TNRC6B: variants seen among roughly 807,000 people sequenced by gnomAD.
TNRC6B encodes trinucleotide repeat-containing gene 6B protein.
In TNRC6B, 52 loss-of-function variants were observed where a neutral mutation model predicts 203.6. The observed-to-expected ratio is 0.26, with a 90% CI of 0.20 to 0.32. The LOEUF is 0.32. TNRC6B is among the 10% of genes least tolerant of loss of function. The pLI, the probability that TNRC6B is intolerant of heterozygous loss-of-function variation, is 1.00. For synonymous variants in TNRC6B, 838 were observed against 845.7 expected (o/e 0.99, Z 0.16); for missense variants, 1,923 against 2,286.2 (o/e 0.84, Z 3.24).
chr22:40,326,948 T>C lies in TNRC6B; in HGVS notation c.*3707T>C, dbSNP rs2071411086. ...GTTGTGCTCGTTTTAATTGCTGTTTTGAAGATCTGCTGCTTAATTATCCCC... is the reference window on the plus strand; with the variant it reads ...GTTGTGCTCGTTTTAATTGCTGTTTCGAAGATCTGCTGCTTAATTATCCCC... On this transcript the variant is annotated 3_prime_UTR_variant, in exon 23 of 23. Coordinates refer to ENST00000454349, the MANE Select transcript of TNRC6B (RefSeq NM_001162501.2). The C allele has an allele frequency of 6.5e-6, 1 of 152,706 alleles. No individual in the cohort carries two copies. Among genetic ancestry groups the C allele is most frequent in the Non-Finnish European group, 1.5e-5 (1 of 68,056 alleles). 9.5% of individuals were successfully genotyped at this position (152,706 alleles called of 1,614,324 possible).
intron 1 of TNRC6B, among the ~76,000 whole-genome samples, chr22:40,108,619 T>G (rs2068307071): frequency 6.6e-6 from 1 of 152,182 alleles, no homozygotes; most frequent in African/African-American, 2.4e-5. Context: ...TTTCCAGACA[T>G]GTGATACTGC....
In TNRC6B at chr22:40,334,371, A is replaced by T. The variant is rs944758746; in HGVS notation, c.*11130A>T. The T allele has an allele frequency of 6.6e-6, 1 of 152,602 alleles. No individual in the cohort carries two copies. The highest frequency in any genetic ancestry group is 1.5e-5 in the Non-Finnish European group (1 of 68,054). 9.5% of individuals were successfully genotyped at this position (152,602 alleles called of 1,614,324 possible). A position where few individuals can be genotyped will look rare whatever the true frequency, so the allele number is the denominator to read the frequency against. On this transcript the variant is annotated 3_prime_UTR_variant, in exon 23 of 23. Coordinates refer to ENST00000454349, the MANE Select transcript of TNRC6B (RefSeq NM_001162501.2). Reference sequence around the variant, plus strand: ...CTTAAGGTGCAGGAACATTTTTAACAGGTTTTAAAAAAACAAAAAACCCTT... The same window carrying T: ...CTTAAGGTGCAGGAACATTTTTAACTGGTTTTAAAAAAACAAAAAACCCTT...
chr22:40,158,872 A>T (rs941073011), intron 4 of TNRC6B, among the ~76,000 whole-genome samples: 2 of 152,120 alleles, frequency 1.3e-5, no homozygotes, highest in Non-Finnish European at 2.9e-5. Flanking sequence ...TACAAAACAA[A>T]TTTTTTTTAA....
intron 2 of TNRC6B, among the ~76,000 whole-genome samples, chr22:40,124,561 C>T (rs1165145865): frequency 6.6e-6 from 1 of 152,118 alleles, no homozygotes; most frequent in Non-Finnish European, 1.5e-5. Flanking sequence ...AAGCCATCCA[C>T]CTGCCTCAGC....
chr22:40,123,213 T>G (rs1363746102), intron 2 of TNRC6B, among the ~76,000 whole-genome samples: 1 of 151,860 alleles, frequency 6.6e-6, no homozygotes, highest in Non-Finnish European at 1.5e-5. Flanking sequence ...GTTAAAGCCT[T>G]GGGTAGAGGG....
intron 1 of TNRC6B, among the ~76,000 whole-genome samples, chr22:40,200,540 G>C (rs570562200): frequency 6.6e-6 from 1 of 151,322 alleles, no homozygotes; most frequent in Non-Finnish European, 1.5e-5. Flanking sequence ...TGCCCGCCTC[G>C]GCCTCCCAAA....
intron 1 of TNRC6B, among the ~76,000 whole-genome samples, chr22:40,112,297 C>G (rs1018053377): frequency 6.6e-6 from 1 of 152,196 alleles, no homozygotes; most frequent in Non-Finnish European, 1.5e-5. Context: ...GGGACTAAAC[C>G]TGCTCCATGT....
intron 1 of TNRC6B, among the ~76,000 whole-genome samples, chr22:40,220,795 T>C (rs1419983153): frequency 6.6e-6 from 1 of 152,196 alleles, no homozygotes. Flanking sequence ...TTTTAAAGCC[T>C]TTGTTTTAGG....
chr22:40,182,285 A>G (rs1210181995), intron 1 of TNRC6B, among the ~76,000 whole-genome samples: 1 of 152,024 alleles, frequency 6.6e-6, no homozygotes, highest in Non-Finnish European at 1.5e-5. Flanking sequence ...CCAAATAATT[A>G]CCCCATTTAA....
At chr22:40,128,667 G>A (rs1482546626) in intron 3 of TNRC6B, among the ~76,000 whole-genome samples, 1 of 150,988 alleles carries the variant, frequency 6.6e-6, no homozygotes, top group African/African-American at 2.5e-5. Context: ...GGGACCACAG[G>A]TGTGTGCCAC....
At chr22:40,177,802 A>G (rs2069079362), upstream of TNRC6B, 1 of 1,266,150 alleles carries the variant, frequency 7.9e-7, no homozygotes, top group African/African-American at 1.5e-5. Flanking sequence ...AAGTGAGTGG[A>G]AAAGGGCTGC....
intron 1 of TNRC6B, among the ~76,000 whole-genome samples, chr22:40,059,382 T>G (rs2067828776): frequency 1.3e-5 from 2 of 152,224 alleles, no homozygotes; most frequent in African/African-American, 4.8e-5. Flanking sequence ...GATTTCGATG[T>G]TTTTTTAAAC....
intron 4 of TNRC6B, among the ~76,000 whole-genome samples, chr22:40,160,202 C>A (rs1181224627): frequency 1.3e-5 from 2 of 152,026 alleles, no homozygotes; most frequent in African/African-American, 4.8e-5. Context: ...TTGGGCCAGG[C>A]GCGGTGACTC....
At chr22:40,296,171 G>A (rs2070936446) in intron 12 of TNRC6B, among the ~76,000 whole-genome samples, 1 of 152,072 alleles carries the variant, frequency 6.6e-6, no homozygotes, top group African/African-American at 2.4e-5. Flanking sequence ...TAATGGGGCA[G>A]TCCTCTCTCC....
At chr22:40,096,403 A>G (rs1323305007) in intron 1 of TNRC6B, among the ~76,000 whole-genome samples, 1 of 152,194 alleles carries the variant, frequency 6.6e-6, no homozygotes, top group African/African-American at 2.4e-5. Context: ...TTTCCTGCAG[A>G]GATAGGATGT....
At chr22:40,253,111 T>TTA (rs1229042049) in intron 3 of TNRC6B, among the ~76,000 whole-genome samples, 1 of 151,418 alleles carries the variant, frequency 6.6e-6, no homozygotes, top group Non-Finnish European at 1.5e-5. Context: ...TCTTTTTTTT[T>TTA]TTTTGAGGCA....
At chr22:40,153,539 TACTA>T (rs909180016) in intron 3 of TNRC6B, among the ~76,000 whole-genome samples, 2 of 117,736 alleles carry the variant, frequency 1.7e-5, no homozygotes, top group African/African-American at 7.5e-5. Context: ...ACATAACAAA[TACTA>T]AGCTAGAAAA....
At chr22:40,113,649 A>G (rs2068361875) in intron 1 of TNRC6B, among the ~76,000 whole-genome samples, 1 of 152,220 alleles carries the variant, frequency 6.6e-6, no homozygotes, top group Non-Finnish European at 1.5e-5. Context: ...AAGCCACCAC[A>G]CGTGGCCTCC....
Position 40,265,141 on chromosome 22 carries a change from C to A in TNRC6B, c.911C>A (p.Pro304Gln). Residue 304 changes from proline (P) to glutamine (Q), a missense_variant, in exon 5 of 23, where the codon CCA (proline) becomes CAA (glutamine). Transcript: ENST00000454349. ...GPGSGFSNFN[P>Q]NSNPSAWPAL... ...GGCTCTGGCTTCAGCAACTTTAACCCAAATAGCAACCCATCTGCCTGGCCA... is the reference window on the plus strand; with the variant it reads ...GGCTCTGGCTTCAGCAACTTTAACCAAAATAGCAACCCATCTGCCTGGCCA... The A allele has an allele frequency of 6.2e-7, 1 of 1,613,980 alleles. No homozygotes were observed. Among genetic ancestry groups the A allele is most frequent in the South Asian group, 1.1e-5 (1 of 91,076 alleles).
Sources: gnomAD v4.1 joint callset for allele counts (sites outside exome capture counted in the v4.1 genomes callset) on GRCh38, gnomAD v4.1.1 for gene constraint, MANE v1.5 for transcripts, NCBI Gene and HGNC (gene_info 2026-07-23, HGNC 2026-07-21) for gene names.